The following RAB21 variants were observed in gnomAD, a reference collection of about 807,000 sequenced individuals.
RAB21 encodes RAB21, member RAS oncogene family.
Under a neutral mutation model 33.1 loss-of-function variants are expected in RAB21, and 13 were observed. That is an observed-to-expected ratio of 0.39 (90% CI 0.26 to 0.62). The LOEUF (loss-of-function observed/expected upper bound fraction) is 0.62. RAB21 is among the 20% of genes least tolerant of loss of function. The probability of loss-of-function intolerance (pLI) is 0.48; values close to 1 mark genes in which losing one functional copy is unlikely to be tolerated. For synonymous variants in RAB21, 91 were observed against 103.7 expected (o/e 0.88, Z 0.74); for missense variants, 234 against 279.1 (o/e 0.84, Z 1.15).
At chr12:71,780,221 C>G (rs1246308255) in intron 4 of RAB21, among the ~76,000 whole-genome samples, 1 of 152,120 alleles carries the variant, frequency 6.6e-6, no homozygotes, top group Non-Finnish European at 1.5e-5. Context: ...TCTCTTCACT[C>G]TTTTTATAGG....
intron 1 of RAB21, among the ~76,000 whole-genome samples, chr12:71,757,133 A>G (rs1882796947): frequency 6.6e-6 from 1 of 152,158 alleles, no homozygotes; most frequent in East Asian, 1.9e-4. Flanking sequence ...TTCAAAAGAT[A>G]ACTTGAGTCT....
At position 71,793,837 on chromosome 12, in the gene RAB21, C is replaced by G. The variant is rs1022301950; in HGVS notation, c.*8164C>G. On this transcript the variant is annotated 3_prime_UTR_variant, in exon 7 of 7. Coordinates refer to ENST00000261263, the MANE Select transcript of RAB21 (RefSeq NM_014999.4). ...TGGGTTCTGGGTTCTAGGTTCTAGG[C>G]TAATAATTTACTACTTTGGTATGTT... is the stretch of plus-strand genomic sequence containing the variant. The G allele has an allele frequency of 6.6e-6, 1 of 152,160 alleles. No individual in the cohort carries two copies. Among genetic ancestry groups the G allele is most frequent in the African/African-American group, 2.4e-5 (1 of 41,434 alleles). The allele number at this position is 152,160 out of a possible 1,614,324, so 9.4% of individuals were successfully genotyped here. A position where few individuals can be genotyped will look rare whatever the true frequency, so the allele number is the denominator to read the frequency against.
At chr12:71,762,568 G>A (rs1882891049) in intron 1 of RAB21, among the ~76,000 whole-genome samples, 1 of 152,034 alleles carries the variant, frequency 6.6e-6, no homozygotes, top group Non-Finnish European at 1.5e-5. Flanking sequence ...GCCTCCCAAA[G>A]TGCTGGGATA....
chr12:71,777,969 T>C (rs1883145847), intron 4 of RAB21, among the ~76,000 whole-genome samples: 1 of 152,246 alleles, frequency 6.6e-6, no homozygotes, highest in South Asian at 2.1e-4. Context: ...GTTATAGTTA[T>C]CTAAAATCTC....
intron 4 of RAB21, among the ~76,000 whole-genome samples, chr12:71,781,218 C>A (rs1883194806): frequency 6.6e-6 from 1 of 152,066 alleles, no homozygotes; most frequent in African/African-American, 2.4e-5. Context: ...GCCTGTAATC[C>A]TAGCACTTTG....
intron 1 of RAB21, among the ~76,000 whole-genome samples, chr12:71,761,980 A>G (rs1343016407): frequency 6.6e-6 from 1 of 152,200 alleles, no homozygotes; most frequent in East Asian, 1.9e-4. Flanking sequence ...CTGTTAATTT[A>G]AGTGATTTAT....
intron 1 of RAB21, among the ~76,000 whole-genome samples, chr12:71,764,824 A>G (rs1592644079): frequency 6.6e-6 from 1 of 152,180 alleles, no homozygotes; most frequent in African/African-American, 2.4e-5. Flanking sequence ...TCTATGGCGT[A>G]TATATACCGC....
intron 1 of RAB21, among the ~76,000 whole-genome samples, chr12:71,763,048 A>G (rs1882901448): frequency 6.6e-6 from 1 of 151,306 alleles, no homozygotes; most frequent in African/African-American, 2.4e-5. Context: ...ACATTATTTA[A>G]ATACTTAAGC....
chr12:71,770,528 C>T (rs1269615903), intron 2 of RAB21, 64 bp from the exon 3 acceptor site: 4 of 1,101,250 alleles, frequency 3.6e-6, no homozygotes, highest in African/African-American at 1.5e-5. Flanking sequence ...AAAAGTTCAC[C>T]ATAGTTGCAA....
intron 4 of RAB21, among the ~76,000 whole-genome samples, chr12:71,781,303 A>G (rs981452785): frequency 5.9e-5 from 9 of 151,938 alleles, no homozygotes; most frequent in Non-Finnish European, 1.3e-4. Flanking sequence ...CCCCATCTCT[A>G]CTAAAAATAC....
chr12:71,781,647 C>T (rs922422711), intron 4 of RAB21, among the ~76,000 whole-genome samples: 10 of 152,004 alleles, frequency 6.6e-5, no homozygotes, highest in Non-Finnish European at 1.0e-4. Context: ...ACTTATTGAC[C>T]GGCTCTAAGT....
Position 71,755,174 on chromosome 12 carries a change from C to A in RAB21, c.45C>A (p.Gly15=), listed in dbSNP as rs773722198. 1.2e-5 allele frequency: 16 copies of A among 1,378,848 alleles called. No individual in the cohort carries two copies. Among genetic ancestry groups the A allele is most frequent in the Non-Finnish European group, 1.4e-5 (15 of 1,064,934 alleles). 85.4% of individuals were successfully genotyped at this position (1,378,848 alleles called of 1,614,324 possible). A position where few individuals can be genotyped will look rare whatever the true frequency, so the allele number is the denominator to read the frequency against. ...GGGGGGAAAA[G]RAYSFKVVLL... ...GCGGCGGCGGGGCGGCGGCGGCGGGCCGAGCCTACTCGTTCAAGGTGGTGC... is the reference window on the plus strand; with the variant it reads ...GCGGCGGCGGGGCGGCGGCGGCGGGACGAGCCTACTCGTTCAAGGTGGTGC... Residue 15 remains glycine (G), a synonymous_variant, in exon 1 of 7, where the codon GGC becomes GGA. Transcript: ENST00000261263.
At chr12:71,779,548 T>C (rs377506696) in intron 4 of RAB21, among the ~76,000 whole-genome samples, 2 of 152,222 alleles carry the variant, frequency 1.3e-5, no homozygotes, top group African/African-American at 4.8e-5. Flanking sequence ...TGAAAGCTTC[T>C]TTCCACTGTG....
chr12:71,764,737 T>C (rs1370794825), intron 1 of RAB21, among the ~76,000 whole-genome samples: 8 of 152,196 alleles, frequency 5.3e-5, no homozygotes, highest in Admixed American at 5.2e-4. Flanking sequence ...GCTACTTCAC[T>C]TAGAATAATG....
chr12:71,779,740 T>A (rs1367556556), intron 4 of RAB21, among the ~76,000 whole-genome samples: 1 of 152,222 alleles, frequency 6.6e-6, no homozygotes, highest in Non-Finnish European at 1.5e-5. Flanking sequence ...CCTATTTGTT[T>A]ATGTTTTTAA....
At position 71,794,422 on chromosome 12, in the gene RAB21, TA is replaced by T. The variant is rs1883433712; in HGVS notation, c.*8750del. ...TATATATATTATATATATATATATA[TA>T]TATATTTTTTTTTTTTTTTTTTTTT... On this transcript the variant is annotated 3_prime_UTR_variant, in exon 7 of 7. Coordinates refer to ENST00000261263, the MANE Select transcript of RAB21 (RefSeq NM_014999.4). 1.0e-3 allele frequency: 55 copies of T among 54,346 alleles called. No homozygotes were observed. Among genetic ancestry groups the T allele is most frequent in the Non-Finnish European group, 1.4e-3 (44 of 32,102 alleles). 3.4% of individuals were successfully genotyped at this position (54,346 alleles called of 1,614,324 possible). A position where few individuals can be genotyped will look rare whatever the true frequency, so the allele number is the denominator to read the frequency against.
chr12:71,761,553 C>CTGTA (rs1882872063), intron 1 of RAB21, among the ~76,000 whole-genome samples: 1 of 151,982 alleles, frequency 6.6e-6, no homozygotes, highest in Non-Finnish European at 1.5e-5. Flanking sequence ...TGGTGGGTAC[C>CTGTA]TGTAATCCCA....
intron 4 of RAB21, among the ~76,000 whole-genome samples, chr12:71,775,134 G>T (rs1403619519): frequency 6.6e-6 from 1 of 152,080 alleles, no homozygotes; most frequent in African/African-American, 2.4e-5. Flanking sequence ...ATTTCTCTTT[G>T]GTTCCCTTTT....
In RAB21 at chr12:71,799,539, C is replaced by T. The variant is rs1168334625; in HGVS notation, c.*13866C>T. 1 of 152,056 alleles carries T rather than the reference C, an allele frequency of 6.6e-6. No individual in the cohort carries two copies. The highest frequency in any genetic ancestry group is 1.9e-4 in the East Asian group (1 of 5,194). The allele number at this position is 152,056 out of a possible 1,614,324, so 9.4% of individuals were successfully genotyped here. A position where few individuals can be genotyped will look rare whatever the true frequency, so the allele number is the denominator to read the frequency against. On this transcript the variant is annotated 3_prime_UTR_variant, in exon 7 of 7. Coordinates refer to ENST00000261263, the MANE Select transcript of RAB21 (RefSeq NM_014999.4). Reference sequence around the variant, plus strand: ...GGAAATGAGTTTGTACAACGTTTTTCAATGCAGTATTGTTTGTAAATTGAC... The same window carrying T: ...GGAAATGAGTTTGTACAACGTTTTTTAATGCAGTATTGTTTGTAAATTGAC...
Sources: allele counts gnomAD v4.1 joint callset (sites outside exome capture counted in the v4.1 genomes callset), GRCh38; gene constraint gnomAD v4.1.1; transcripts MANE v1.5; gene names NCBI Gene and HGNC (gene_info 2026-07-23, HGNC 2026-07-21).